The following CAMSAP3 variants were observed in gnomAD, a reference collection of about 807,000 sequenced individuals.
CAMSAP3 encodes calmodulin regulated spectrin associated protein family member 3, also known as calmodulin-regulated spectrin-associated protein 3.
CAMSAP3 carries 34 observed loss-of-function variants against 112.5 expected under a neutral mutation model. The observed-to-expected ratio is 0.30, with a 90% CI of 0.23 to 0.40. The LOEUF (loss-of-function observed/expected upper bound fraction) is 0.40, where lower values mean the gene tolerates loss of function less well. Ranked by LOEUF, CAMSAP3 falls within the 10% of genes least tolerant of loss-of-function variation. The pLI is 1.00. For missense variants in CAMSAP3, 1,602 were observed against 1,770.3 expected, an observed-to-expected ratio of 0.90 and a Z score of 1.71; for synonymous variants, 868 against 799.8, an observed-to-expected ratio of 1.09 and a Z score of -1.44.
Position 7,608,145 on chromosome 19 carries a change from G to A in CAMSAP3, c.641G>A (p.Arg214His), listed in dbSNP as rs757179247. 4.3e-6 allele frequency: 7 copies of A among 1,611,610 alleles called. No individual in the cohort carries two copies. The Admixed American group carries it at 6.7e-5, about 15-fold the overall frequency. Residue 214 changes from arginine (R) to histidine (H), a missense_variant, in exon 5 of 17, where the codon CGT (arginine) becomes CAT (histidine). Around this residue, in one of 6 missense-constraint regions of CAMSAP3, gnomAD observed 112 missense variants for 94.2 expected, o/e 1.19. Coordinates refer to ENST00000160298, the MANE Select transcript of CAMSAP3 (RefSeq NM_020902.2). ...AQPSIRYRKD[R>H]VVARRAPCFP... is the part of the protein sequence containing the mutation. Reference sequence around the variant, plus strand: ...CTGCAGATCCGATACCGCAAGGACCGTGTGGTGGCGCGACGTGCCCCCTGC... The same window carrying A: ...CTGCAGATCCGATACCGCAAGGACCATGTGGTGGCGCGACGTGCCCCCTGC...
intron 1 of CAMSAP3, among the ~76,000 whole-genome samples, chr19:7,603,532 A>G (rs952881559): frequency 1.3e-5 from 2 of 151,916 alleles, no homozygotes; most frequent in Middle Eastern, 3.2e-3. Flanking sequence ...CGTTCTTTCA[A>G]ACACACACAC....
chr19:7,611,438 A>C lies in CAMSAP3; in HGVS notation c.1124-79A>C. The C allele has an allele frequency of 1.5e-6, 2 of 1,374,986 alleles. No individual in the cohort carries two copies. Among genetic ancestry groups the C allele is most frequent in the Non-Finnish European group, 2.0e-6 (2 of 1,003,540 alleles). 85.2% of individuals were successfully genotyped at this position (1,374,986 alleles called of 1,614,324 possible). A position where few individuals can be genotyped will look rare whatever the true frequency, so the allele number is the denominator to read the frequency against. On this transcript the variant is annotated intron_variant, in intron 9 of 16. Transcript: ENST00000160298. The surrounding 1 kb of genome is among the most constrained non-coding windows in gnomAD (Gnocchi z 6.9). ...TCAGTGACTCACCCAATGACCTTGCAGAGGTTGTCCCCAGATGCTGGCTGA... is the reference window on the plus strand; with the variant it reads ...TCAGTGACTCACCCAATGACCTTGCCGAGGTTGTCCCCAGATGCTGGCTGA...
Position 7,608,172 on chromosome 19 carries a change from T to A in CAMSAP3, c.668T>A (p.Phe223Tyr). ...DRVVARRAPC[F>Y]PTVTSLQDLA... is the part of the protein sequence containing the mutation. The stretch of plus-strand genomic sequence containing the variant: ...GTGGTGGCGCGACGTGCCCCCTGCT[T>A]CCCGACGGTGACCAGCCTCCAGGAC... Residue 223 changes from phenylalanine to tyrosine, a missense_variant, in exon 5 of 17, where the codon TTC becomes TAC. Phe to Tyr is a conservative substitution (Grantham distance 22). Transcript: ENST00000160298. 1 of 1,612,418 alleles carries A rather than the reference T, an allele frequency of 6.2e-7. No homozygotes were observed. Among genetic ancestry groups the A allele is most frequent in the Non-Finnish European group, 8.5e-7 (1 of 1,179,912 alleles).
At chr19:7,609,623 G>A (rs914696736) in intron 5 of CAMSAP3, among the ~76,000 whole-genome samples, 4 of 152,092 alleles carry the variant, frequency 2.6e-5, no homozygotes, top group East Asian at 1.9e-4. Context: ...ATTCAAGCAC[G>A]TTAATCTTTA....
chr19:7,605,084 C>T, intron 1 of CAMSAP3, 142 bp from the exon 2 acceptor site: 1 of 598,434 alleles, frequency 1.7e-6, no homozygotes, highest in East Asian at 3.1e-5. Flanking sequence ...CAGCCCAGAT[C>T]CCCTTTCTCC....
Position 7,607,885 on chromosome 19 carries a change from C to A in CAMSAP3, c.622-241C>A, listed in dbSNP as rs1286058449. ...CCCCCCATGGTAATGTATCCCCCGCCCCGGGGTCCCAGGAGTCCCTGTCCC... is the reference window on the plus strand; with the variant it reads ...CCCCCCATGGTAATGTATCCCCCGCACCGGGGTCCCAGGAGTCCCTGTCCC... On this transcript the variant is annotated intron_variant, in intron 4 of 16. Transcript: ENST00000160298. This position sits in a 1 kb window ranked among gnomAD's most constrained non-coding sequence, Gnocchi z 4.9. 4 of 1,059,436 alleles carry A rather than the reference C, an allele frequency of 3.8e-6. No individual in the cohort carries two copies. Among genetic ancestry groups the A allele is most frequent in the Non-Finnish European group, 5.6e-6 (4 of 708,788 alleles). 65.6% of individuals were successfully genotyped at this position (1,059,436 alleles called of 1,614,324 possible).
Position 7,612,542 on chromosome 19 carries a change from C to T in CAMSAP3, c.2049C>T (p.Thr683=). ...GEPTSRPKAV[T]FSPDLGPVPH... ...CAACCTCACGGCCCAAGGCAGTGAC[C>T]TTCTCGCCAGACCTGGGCCCGGTGC... is the stretch of plus-strand genomic sequence containing the variant. Residue 683 remains threonine (T), a synonymous_variant, in exon 11 of 17, where the codon ACC becomes ACT. Coordinates refer to ENST00000160298, the MANE Select transcript of CAMSAP3 (RefSeq NM_020902.2). The T allele has an allele frequency of 7.8e-6, 12 of 1,536,742 alleles. No homozygotes were observed. Among genetic ancestry groups the T allele is most frequent in the Non-Finnish European group, 1.0e-5 (12 of 1,145,554 alleles).
Position 7,611,882 on chromosome 19 carries a change from G to A in CAMSAP3, c.1389G>A (p.Leu463=), listed in dbSNP as rs201620347. 1 of 1,569,362 alleles carries A rather than the reference G, an allele frequency of 6.4e-7. No homozygotes were observed. Among genetic ancestry groups the A allele is most frequent in the African/African-American group, 1.4e-5 (1 of 73,938 alleles). Residue 463 remains leucine (L), a synonymous_variant, in exon 11 of 17, where the codon CTG becomes CTA. Transcript: ENST00000160298. The surrounding 1 kb of genome is among the most constrained non-coding windows in gnomAD (Gnocchi z 6.9). ...PGDLPTIEEA[L]QIIHSAEPRL... ...ACCTGCCCACCATCGAGGAAGCTCT[G>A]CAGATCATCCACAGTGCCGAGCCCC...
At chr19:7,601,256 A>G (rs2029953595) in intron 1 of CAMSAP3, among the ~76,000 whole-genome samples, 1 of 152,254 alleles carries the variant, frequency 6.6e-6, no homozygotes, top group African/African-American at 2.4e-5. Context: ...TTGTTTCTAC[A>G]TATGTAATGT....
rs191958419 is a variant in CAMSAP3, at chr19:7,609,057, C to T, written c.760+793C>T. 3.6e-3 allele frequency among the ~76,000 whole-genome samples: 538 copies of T among 150,888 alleles called. 2 individuals are homozygous for T. Among genetic ancestry groups the T allele is most frequent in the Non-Finnish European group, 5.6e-3 (380 of 67,794 alleles). ...AATTATAGGGCTGGGTGTGGTGGCT[C>T]ACGCCTGTAATCCCAGCAGTTTGGG... On this transcript the variant is annotated intron_variant, in intron 5 of 16. Coordinates refer to ENST00000160298, the MANE Select transcript of CAMSAP3 (RefSeq NM_020902.2).
chr19:7,611,776 G>T lies in CAMSAP3; in HGVS notation c.1283G>T (p.Arg428Leu). ...DVVMGDPVLLRSVSSDSLGPP... is the reference protein window; with the variant it reads ...DVVMGDPVLLLSVSSDSLGPP... ...GTCATGGGAGACCCTGTGCTCCTCC[G>T]CTCTGTGAGCTCGGACAGCCTGGGC... Residue 428 changes from arginine (R) to leucine (L), a missense_variant, in exon 11 of 17, where the codon CGC (arginine) becomes CTC (leucine). Transcript: ENST00000160298. This position sits in a 1 kb window ranked among gnomAD's most constrained non-coding sequence, Gnocchi z 6.9. 6.3e-7 allele frequency: 1 copy of T among 1,595,848 alleles called. No homozygotes were observed. Among genetic ancestry groups the T allele is most frequent in the Non-Finnish European group, 8.5e-7 (1 of 1,171,562 alleles).
Position 7,596,004 on chromosome 19 carries a change from TG to T in CAMSAP3, c.4del (p.Val2?). ...GGCGCCCGCAGCCCCGGCGCCGCCA[TG>T]GTGGAGGCGGCGCCCCCCGGGCCCG... MVEAAPPGPGP... is the reference protein window; with the variant it reads XVEAAPPGPGP... On this transcript the variant is annotated frameshift_variant and start_lost, in exon 1 of 17. Transcript: ENST00000160298. LOFTEE classifies it high-confidence loss of function. 2 of 1,088,142 alleles carry T rather than the reference TG, an allele frequency of 1.8e-6. No homozygotes were observed. The highest frequency in any genetic ancestry group is 2.3e-5 in the South Asian group (1 of 43,026). The allele number at this position is 1,088,142 out of a possible 1,614,324, so 67.4% of individuals were successfully genotyped here. A position where few individuals can be genotyped will look rare whatever the true frequency, so the allele number is the denominator to read the frequency against.
chr19:7,613,617 A>G (rs1200197250), intron 11 of CAMSAP3, among the ~76,000 whole-genome samples: 1 of 151,422 alleles, frequency 6.6e-6, no homozygotes, highest in East Asian at 2.0e-4. Flanking sequence ...AGGGGGATAG[A>G]TAGATGTGGG....
In CAMSAP3 at chr19:7,611,601, C is replaced by G; in HGVS notation, c.1193+15C>G. ...CGGCAGCTCAGGTGAGTAGACCTCACAGGCCAGGGTAGGGGGTGGAGCAGG... is the reference window on the plus strand; with the variant it reads ...CGGCAGCTCAGGTGAGTAGACCTCAGAGGCCAGGGTAGGGGGTGGAGCAGG... On this transcript the variant is annotated intron_variant, in intron 10 of 16. Coordinates refer to ENST00000160298, the MANE Select transcript of CAMSAP3 (RefSeq NM_020902.2). This position sits in a 1 kb window ranked among gnomAD's most constrained non-coding sequence, Gnocchi z 6.9. 6.2e-7 allele frequency: 1 copy of G among 1,610,658 alleles called. No individual in the cohort carries two copies. Among genetic ancestry groups the G allele is most frequent in the Non-Finnish European group, 8.5e-7 (1 of 1,178,850 alleles).
rs2030148406 is a variant in CAMSAP3 at position 7,605,209 on chromosome 19, C to A, written c.149-17C>A. 1 of 1,479,642 alleles carries A rather than the reference C, an allele frequency of 6.8e-7. No individual in the cohort carries two copies. The highest frequency in any genetic ancestry group is 2.6e-5 in the East Asian group (1 of 39,106). 91.7% of individuals were successfully genotyped at this position (1,479,642 alleles called of 1,614,324 possible). On this transcript the variant is annotated splice_polypyrimidine_tract_variant and intron_variant, in intron 1 of 16. Coordinates refer to ENST00000160298, the MANE Select transcript of CAMSAP3 (RefSeq NM_020902.2). ...TGGTGACCCTGACCCCCGTGTTTCC[C>A]CTCTATGCCCCCACAGAGCACGTGC... is the stretch of plus-strand genomic sequence containing the variant.
Position 7,596,140 on chromosome 19 carries a change from CG to C in CAMSAP3, c.143del (p.Gly48AlafsTer23). ...TGGCGTGGGTGCTGCGGGCCGCGTT[CG>C]GGGGCGCAGGTACCGGGGCTCGGGG... is the stretch of plus-strand genomic sequence containing the variant. ...SLAWVLRAAF[G>X]GAEHVPPELW... On this transcript the variant is annotated frameshift_variant, in exon 1 of 17. Transcript: ENST00000160298. LOFTEE classifies it high-confidence loss of function. 1 of 688,000 alleles carries C rather than the reference CG, an allele frequency of 1.5e-6. No homozygotes were observed. Among genetic ancestry groups the C allele is most frequent in the South Asian group, 2.8e-5 (1 of 35,130 alleles). 42.6% of individuals were successfully genotyped at this position (688,000 alleles called of 1,614,324 possible).
At position 7,612,112 on chromosome 19, in the gene CAMSAP3, C is replaced by A. The variant is rs758157402; in HGVS notation, c.1619C>A (p.Pro540Gln). The A allele has an allele frequency of 6.2e-7, 1 of 1,612,218 alleles. No homozygotes were observed. The highest frequency in any genetic ancestry group is 8.5e-7 in the Non-Finnish European group (1 of 1,179,410). ...SPCLVGEASK[P>Q]PAPSEGSPKA... is the part of the protein sequence containing the mutation. ...TGTCTGGTGGGGGAGGCATCGAAAC[C>A]GCCAGCCCCATCCGAGGGGTCCCCG... is the stretch of plus-strand genomic sequence containing the variant. The change falls in exon 11 of 17, where the codon CCG becomes CAG. Residue 540 changes from proline (P) to glutamine (Q), a missense_variant. Physicochemically the swap from Pro to Gln is moderately conservative, Grantham distance 76 (BLOSUM62 -1). Transcript: ENST00000160298.
At chr19:7,605,192 C>G in intron 1 of CAMSAP3, 34 bp from the exon 2 acceptor site, 1 of 1,176,810 alleles carries the variant, frequency 8.5e-7, no homozygotes, top group Admixed American at 2.6e-5. Context: ...TCTGGTGACC[C>G]TGACCCCCGT....
Position 7,613,139 on chromosome 19 carries a change from G to C in CAMSAP3, c.2646G>C (p.Arg882=), listed in dbSNP as rs1050913265. 27 of 1,540,752 alleles carry C rather than the reference G, an allele frequency of 1.8e-5. No individual in the cohort carries two copies. The highest frequency in any genetic ancestry group is 2.3e-5 in the Non-Finnish European group (26 of 1,142,254). The change falls in exon 11 of 17, where the codon CGG becomes CGC. Residue 882 remains arginine (R), a synonymous_variant. Transcript: ENST00000160298. Reference sequence around the variant, plus strand: ...AGGCGTCTTCGGAGGGGGAGCCCCGGGTGGGGCTGGGGTTCTTCTACAAGG... The same window carrying C: ...AGGCGTCTTCGGAGGGGGAGCCCCGCGTGGGGCTGGGGTTCTTCTACAAGG... ...EEEASSEGEP[R]VGLGFFYKDE...
Sources: allele counts gnomAD v4.1 joint callset (sites outside exome capture counted in the v4.1 genomes callset), GRCh38; gene constraint gnomAD v4.1.1; regional missense constraint gnomAD v4.1.1; non-coding constraint Gnocchi (gnomAD v3.1); transcripts MANE v1.5; gene names NCBI Gene and HGNC (gene_info 2026-07-23, HGNC 2026-07-21).